The following ODR4 variants were observed in gnomAD, a reference collection of about 807,000 sequenced individuals.
ODR4 encodes the protein odr-4 GPCR localization factor homolog, also known as protein odr-4 homolog.
In ODR4, 47 loss-of-function variants were observed where a neutral mutation model predicts 60.2. The observed-to-expected ratio is 0.78, with a 90% CI of 0.62 to 1.00. ODR4 has a LOEUF of 1.00. ODR4 is among the 50% of genes least tolerant of loss of function. The pLI is 0.00. For missense variants in ODR4, 488 were observed against 530.8 expected (o/e 0.92, Z 0.79); for synonymous variants, 178 against 175.5 (o/e 1.01, Z -0.11).
At position 186,388,555 on chromosome 1, in the gene ODR4, T is replaced by C; in HGVS notation, c.437+7T>C. The C allele has an allele frequency of 6.8e-7, 1 of 1,472,764 alleles. No individual in the cohort carries two copies. The highest frequency in any genetic ancestry group is 9.2e-7 in the Non-Finnish European group (1 of 1,090,500). 91.2% of individuals were successfully genotyped at this position (1,472,764 alleles called of 1,614,324 possible). On this transcript the variant is annotated splice_region_variant and intron_variant, in intron 5 of 13. Transcript: ENST00000287859. The stretch of plus-strand genomic sequence containing the variant: ...TTTGTGCTTCTACAAAAAAGTATCT[T>C]TTGTTCAGTTTATGGTTTAAAAGTA...
downstream of ODR4, among the ~76,000 whole-genome samples, chr1:186,426,364 G>A (rs956026219): frequency 2.0e-5 from 3 of 152,212 alleles, no homozygotes; most frequent in African/African-American, 7.2e-5. Flanking sequence ...GTGATGCTGT[G>A]TGGGGTATTC....
chr1:186,431,766 G>A, the ODR4 span, among the ~76,000 whole-genome samples: 23 of 152,264 alleles, frequency 1.5e-4, no homozygotes, highest in East Asian at 4.4e-3. Flanking sequence ...TTCAGTAATG[G>A]CAAAGATGTG....
intron 12 of ODR4, among the ~76,000 whole-genome samples, chr1:186,411,615 A>T (rs1661385234): frequency 6.6e-6 from 1 of 151,906 alleles, no homozygotes; most frequent in Non-Finnish European, 1.5e-5. Flanking sequence ...TACCTTGTGA[A>T]ATATTAGCAT....
rs1661762455 is a variant in ODR4 at position 186,421,230 on chromosome 1, T to A, written c.*2154T>A. 1 of 152,200 alleles carries A rather than the reference T, an allele frequency of 6.6e-6. No individual in the cohort carries two copies. Among genetic ancestry groups the A allele is most frequent in the Admixed American group, 6.5e-5 (1 of 15,278 alleles). 9.4% of individuals were successfully genotyped at this position (152,200 alleles called of 1,614,324 possible). On this transcript the variant is annotated 3_prime_UTR_variant, in exon 14 of 14. Transcript: ENST00000287859. ...AGAAGGGAAATGATTCTAAAAGGAT[T>A]ATCTGAAATTGAAAAACTAGTAAGC...
intron 10 of ODR4, 55 bp downstream of exon 10, chr1:186,398,496 A>T: frequency 6.7e-7 from 1 of 1,488,102 alleles, no homozygotes; most frequent in Non-Finnish European, 9.0e-7. Context: ...ACAAAAACCT[A>T]AAATTTTACC....
chr1:186,415,269 T>A (rs1257925854), intron 12 of ODR4, among the ~76,000 whole-genome samples: 2 of 139,344 alleles, frequency 1.4e-5, no homozygotes, highest in Admixed American at 6.8e-5. Flanking sequence ...AGTAGGTAAT[T>A]TTTTTTCTTT....
chr1:186,392,037 C>T (rs1169647141), intron 8 of ODR4, among the ~76,000 whole-genome samples: 2 of 152,036 alleles, frequency 1.3e-5, no homozygotes, highest in African/African-American at 2.4e-5. Flanking sequence ...TGAAAAAAAA[C>T]TCAGCATTAC....
intron 8 of ODR4, among the ~76,000 whole-genome samples, chr1:186,393,093 G>A (rs566991875): frequency 6.6e-6 from 1 of 152,238 alleles, no homozygotes; most frequent in Admixed American, 6.5e-5. Flanking sequence ...GGAGCCAAAT[G>A]ATGAAAACAC....
chr1:186,398,921 C>T, intron 10 of ODR4, 33 bp from the exon 11 acceptor site: 2 of 1,449,748 alleles, frequency 1.4e-6, no homozygotes, highest in Non-Finnish European at 1.9e-6. Context: ...TATTTTATTT[C>T]TTACTGTGTT....
rs1374833797 is a variant in ODR4 at position 186,417,657 on chromosome 1, A to G, written c.1297+3A>G. The G allele has an allele frequency of 6.9e-7, 1 of 1,451,060 alleles. No individual in the cohort carries two copies. The highest frequency in any genetic ancestry group is 1.4e-5 in the African/African-American group (1 of 71,218). The allele number at this position is 1,451,060 out of a possible 1,614,324, so 89.9% of individuals were successfully genotyped here. ...ATTGAAAATTCAGCAAAACATAGGT[A>G]TTTAATTTTACTTCTTTTATAACAC... On this transcript the variant is annotated splice_donor_region_variant and intron_variant, in intron 13 of 13. Transcript: ENST00000287859.
chr1:186,402,149 G>A (rs1289411982), intron 11 of ODR4, among the ~76,000 whole-genome samples: 1 of 145,840 alleles, frequency 6.9e-6, no homozygotes, highest in Non-Finnish European at 1.5e-5. Flanking sequence ...TCTGCTGCTA[G>A]CAGAGTAACC....
At position 186,375,881 on chromosome 1, in the gene ODR4, C is replaced by G. The variant is rs1285180; in HGVS notation, c.-113C>G. ...GAATTGAGACCGGAGGGAATCTGGC[C>G]CCTAGAGGCTGGTACTTGGGCCCGA... On this transcript the variant is annotated 5_prime_UTR_variant, in exon 1 of 14. Coordinates refer to ENST00000287859, the MANE Select transcript of ODR4 (RefSeq NM_017847.6). The G allele has an allele frequency of 4.6e-6, 1 of 216,324 alleles. No homozygotes were observed. The highest frequency in any genetic ancestry group is 4.6e-5 in the Admixed American group (1 of 21,734). The allele number at this position is 216,324 out of a possible 1,614,324, so 13.4% of individuals were successfully genotyped here.
At chr1:186,417,830 A>G (rs933558887) in intron 13 of ODR4, among the ~76,000 whole-genome samples, 176 bp downstream of exon 13, 1 of 152,170 alleles carries the variant, frequency 6.6e-6, no homozygotes, top group South Asian at 2.1e-4. Flanking sequence ...TAATTCATAC[A>G]TTGTCATCTA....
At chr1:186,418,017 A>T (rs1489980667) in intron 13 of ODR4, among the ~76,000 whole-genome samples, 1 of 152,190 alleles carries the variant, frequency 6.6e-6, no homozygotes, top group African/African-American at 2.4e-5. Context: ...GTTAAATTCA[A>T]GTCAGGAATT....
At chr1:186,433,769 C>T in the ODR4 span, among the ~76,000 whole-genome samples, 1 of 151,866 alleles carries the variant, frequency 6.6e-6, no homozygotes, top group African/African-American at 2.4e-5. Flanking sequence ...TCAGTAGAGA[C>T]GGGTTTCGCC....
downstream of ODR4, among the ~76,000 whole-genome samples, chr1:186,422,992 C>T (rs997433844): frequency 5.3e-5 from 8 of 151,986 alleles, no homozygotes; most frequent in Non-Finnish European, 8.8e-5. Context: ...AAGGTGACTA[C>T]CAGGAACATC....
chr1:186,397,107 T>A (rs137932379), intron 9 of ODR4, among the ~76,000 whole-genome samples: 1 of 152,244 alleles, frequency 6.6e-6, no homozygotes, highest in African/African-American at 2.4e-5. Context: ...AACAAGTCCT[T>A]GACCATCTTA....
intron 8 of ODR4, among the ~76,000 whole-genome samples, chr1:186,392,606 C>T (rs1211784000): frequency 6.6e-6 from 1 of 152,078 alleles, no homozygotes; most frequent in Non-Finnish European, 1.5e-5. Context: ...CACTTGAGGT[C>T]AGGAGTTTGA....
At chr1:186,416,400 G>A (rs1041827041) in intron 12 of ODR4, among the ~76,000 whole-genome samples, 1 of 152,082 alleles carries the variant, frequency 6.6e-6, no homozygotes, top group Non-Finnish European at 1.5e-5. Flanking sequence ...GGCCAGGTGT[G>A]ATGGCTCATG....
Sources: gnomAD v4.1 joint callset for allele counts (sites outside exome capture counted in the v4.1 genomes callset) on GRCh38, gnomAD v4.1.1 for gene constraint, MANE v1.5 for transcripts, NCBI Gene and HGNC (gene_info 2026-07-23, HGNC 2026-07-21) for gene names.